GAS2: variants seen among roughly 807,000 people sequenced by gnomAD.
GAS2 encodes the protein growth arrest-specific protein 2.
GAS2 carries 20 observed loss-of-function variants against 37.5 expected under a neutral mutation model. The observed-to-expected ratio is 0.53, with a 90% CI of 0.37 to 0.77. The LOEUF is 0.77. Ranked by LOEUF, GAS2 falls within the 30% of genes least tolerant of loss-of-function variation. GAS2 has a pLI of 0.00. For missense variants in GAS2, 336 were observed against 373.4 expected (o/e 0.90, Z 0.82); for synonymous variants, 144 against 132.2 (o/e 1.09, Z -0.61).
At position 22,745,493 on chromosome 11, in the gene GAS2, T is replaced by A. The variant is rs578106604; in HGVS notation, c.474-3627T>A. On this transcript the variant is annotated intron_variant, in intron 5 of 7. Transcript: ENST00000454584. The stretch of plus-strand genomic sequence containing the variant: ...ACATTAAAGATTTAAACGTAAGACT[T>A]CAAGCTATAAGAATTCTAGAAAAAA... 2.0e-5 allele frequency among the ~76,000 whole-genome samples: 3 copies of A among 152,252 alleles called. No homozygotes were observed. In the South Asian group the frequency reaches 6.2e-4, roughly 32 times the overall value.
chr11:22,726,345 T>C lies in GAS2; in HGVS notation c.321T>C (p.Phe107=). The change falls in exon 4 of 8, where the codon TTT becomes TTC. Residue 107 remains phenylalanine, a synonymous_variant. Transcript: ENST00000454584. ...AAACCAGTGCACCCTCGGGCTCCTTTTTTGCCAGAGACAATACAGCAAATT... is the reference window on the plus strand; with the variant it reads ...AAACCAGTGCACCCTCGGGCTCCTTCTTTGCCAGAGACAATACAGCAAATT... ...PCKTSAPSGS[F]FARDNTANFL... 1.2e-6 allele frequency: 2 copies of C among 1,612,810 alleles called. No homozygotes were observed. The highest frequency in any genetic ancestry group is 1.7e-6 in the Non-Finnish European group (2 of 1,179,350).
intron 4 of GAS2, among the ~76,000 whole-genome samples, chr11:22,736,810 C>T (rs1852780576): frequency 6.6e-6 from 1 of 151,336 alleles, no homozygotes; most frequent in South Asian, 2.1e-4. Context: ...AGACTGTTCT[C>T]AGTGCAAATT....
At chr11:22,764,076 A>C (rs1189659519) in intron 7 of GAS2, among the ~76,000 whole-genome samples, 1 of 152,224 alleles carries the variant, frequency 6.6e-6, no homozygotes, top group Non-Finnish European at 1.5e-5. Context: ...AGTCTCTAAG[A>C]TAGGCATATG....
chr11:22,801,803 A>G (rs540662952), intron 7 of GAS2, among the ~76,000 whole-genome samples: 16 of 152,220 alleles, frequency 1.1e-4, no homozygotes, highest in African/African-American at 3.6e-4. Flanking sequence ...TCAACAGGGC[A>G]TATTCGTAGA....
chr11:22,800,140 A>G (rs1156556115), intron 7 of GAS2, among the ~76,000 whole-genome samples: 1 of 152,122 alleles, frequency 6.6e-6, no homozygotes, highest in Non-Finnish European at 1.5e-5. Flanking sequence ...TAACTCTGGC[A>G]TAGTAAGAAA....
chr11:22,714,735 T>C (rs1851578941), intron 3 of GAS2, among the ~76,000 whole-genome samples: 1 of 152,110 alleles, frequency 6.6e-6, no homozygotes, highest in African/African-American at 2.4e-5. Context: ...TACAAATACA[T>C]GGAAATTAAA....
At chr11:22,674,505 G>A (rs1205122348) in intron 1 of GAS2, among the ~76,000 whole-genome samples, 1 of 152,186 alleles carries the variant, frequency 6.6e-6, no homozygotes, top group Non-Finnish European at 1.5e-5. Context: ...AACAATGGGA[G>A]TTAACAAATT....
chr11:22,720,635 A>G (rs931660631), intron 3 of GAS2, among the ~76,000 whole-genome samples: 7 of 152,046 alleles, frequency 4.6e-5, no homozygotes, highest in Middle Eastern at 3.4e-3. Flanking sequence ...TTGCCTGCCT[A>G]TTTGAACCGT....
At position 22,811,927 on chromosome 11, in the gene GAS2, C is replaced by A; in HGVS notation, c.853C>A (p.Gln285Lys). 1 of 1,614,066 alleles carries A rather than the reference C, an allele frequency of 6.2e-7. No individual in the cohort carries two copies. Among genetic ancestry groups the A allele is most frequent in the South Asian group, 1.1e-5 (1 of 91,072 alleles). Residue 285 changes from glutamine (Q) to lysine (K), a missense_variant, in exon 8 of 8, where the codon CAA becomes AAA. Transcript: ENST00000454584. ...TGTGGATGGCAAAACATCCCCTATC[C>A]AAAGCAAATCTCCAACTCTAAAGGA... ...SRVDGKTSPI[Q>K]SKSPTLKDMN...
chr11:22,676,671 TTA>T (rs1390204248), intron 2 of GAS2, among the ~76,000 whole-genome samples: 50 of 152,196 alleles, frequency 3.3e-4, no homozygotes, highest in Non-Finnish European at 2.9e-5. Context: ...GTTGTTATTA[TTA>T]TTCTACTTAT....
intron 2 of GAS2, among the ~76,000 whole-genome samples, chr11:22,681,833 A>AT (rs34126473): frequency 0.37 from 55,408 of 151,674 alleles, 11,057 homozygotes; most frequent in African/African-American, 0.54. Context: ...TTTATATTAT[A>AT]TTTTTTTGAA....
chr11:22,661,098 T>TA (rs1245191278), intron 1 of GAS2, among the ~76,000 whole-genome samples: 5 of 152,214 alleles, frequency 3.3e-5, no homozygotes, highest in Admixed American at 6.5e-5. Flanking sequence ...AATCAATGAA[T>TA]AACTGGAGCA....
At chr11:22,767,449 T>C (rs1854752321) in intron 7 of GAS2, among the ~76,000 whole-genome samples, 1 of 152,206 alleles carries the variant, frequency 6.6e-6, no homozygotes, top group Admixed American at 6.5e-5. Context: ...CAATACATAG[T>C]AATGTCTACT....
chr11:22,760,484 A>G (rs962744144), intron 7 of GAS2, among the ~76,000 whole-genome samples: 4 of 152,184 alleles, frequency 2.6e-5, no homozygotes, highest in African/African-American at 9.7e-5. Flanking sequence ...TTAAAACAAT[A>G]TATAGGAAGG....
intron 3 of GAS2, among the ~76,000 whole-genome samples, chr11:22,703,961 A>G (rs1308473485): frequency 1.3e-5 from 2 of 152,198 alleles, no homozygotes; most frequent in African/African-American, 2.4e-5. Context: ...GAAATAAAAA[A>G]TGTGGTAATT....
chr11:22,737,670 A>G (rs1250584429), intron 4 of GAS2, 35 bp from the exon 5 acceptor site: 4 of 1,604,486 alleles, frequency 2.5e-6, no homozygotes, highest in Admixed American at 1.7e-5. Flanking sequence ...TATTCCTTCT[A>G]TTGTAAAGGT....
chr11:22,752,278 G>A (rs1853783087), intron 6 of GAS2, among the ~76,000 whole-genome samples: 1 of 151,960 alleles, frequency 6.6e-6, no homozygotes, highest in Admixed American at 6.6e-5. Flanking sequence ...TTTGACCACA[G>A]AAGTCTCTTA....
intron 3 of GAS2, among the ~76,000 whole-genome samples, chr11:22,689,799 A>G (rs1850148601): frequency 6.6e-6 from 1 of 152,214 alleles, no homozygotes; most frequent in Non-Finnish European, 1.5e-5. Flanking sequence ...GGAGGTTACA[A>G]TATTAAGTCT....
At chr11:22,753,664 C>T (rs1051063420) in intron 6 of GAS2, among the ~76,000 whole-genome samples, 1 of 152,202 alleles carries the variant, frequency 6.6e-6, no homozygotes, top group South Asian at 2.1e-4. Context: ...GGATGATCGA[C>T]CCCTTCTCCC....
Sources: gnomAD v4.1 joint callset for allele counts (sites outside exome capture counted in the v4.1 genomes callset) on GRCh38, gnomAD v4.1.1 for gene constraint, MANE v1.5 for transcripts, NCBI Gene and HGNC (gene_info 2026-07-23, HGNC 2026-07-21) for gene names.